The following TLR6 variants were observed in gnomAD, a reference collection of about 807,000 sequenced individuals.
TLR6 encodes the protein toll-like receptor 6.
TLR6 carries 9 observed loss-of-function variants against 16.1 expected under a neutral mutation model. The ratio of observed to expected loss-of-function variants is 0.56; its 90% confidence interval spans 0.34 to 0.98. The LOEUF (loss-of-function observed/expected upper bound fraction) is 0.98. Ranked by LOEUF, TLR6 falls within the 50% of genes least tolerant of loss-of-function variation. TLR6 has a pLI of 0.02. For missense variants in TLR6, 786 were observed against 921.0 expected (o/e 0.85, Z 1.90); for synonymous variants, 340 against 338.6 (o/e 1.00, Z -0.04).
the TLR6 span, among the ~76,000 whole-genome samples, chr4:38,863,868 C>T: frequency 4.9e-4 from 75 of 152,270 alleles, no homozygotes; most frequent in African/African-American, 1.8e-3. Context: ...GAATCATACT[C>T]AAAAGCCATA....
At chr4:38,833,244 G>C (rs1560265194) in intron 1 of TLR6, among the ~76,000 whole-genome samples, 1 of 152,182 alleles carries the variant, frequency 6.6e-6, no homozygotes, top group East Asian at 1.9e-4. Context: ...TCTCCTGGAG[G>C]CTCAAGGACC....
At chr4:38,861,710 C>G (rs1022459714), upstream of TLR6, among the ~76,000 whole-genome samples, 11 of 152,298 alleles carry the variant, frequency 7.2e-5, no homozygotes, top group African/African-American at 2.4e-4. Context: ...CTACCCTTCC[C>G]TAGCCCCTTC....
chr4:38,864,950 C>T, the TLR6 span, among the ~76,000 whole-genome samples: 2 of 152,184 alleles, frequency 1.3e-5, no homozygotes, highest in South Asian at 2.1e-4. Flanking sequence ...TCTGAGGCCG[C>T]ACTGAGCCGT....
At chr4:38,842,398 C>G (rs1712314205) in intron 1 of TLR6, among the ~76,000 whole-genome samples, 1 of 152,164 alleles carries the variant, frequency 6.6e-6, no homozygotes, top group South Asian at 2.1e-4. Flanking sequence ...ATTCATGGAG[C>G]CAGTGAGAAA....
chr4:38,823,880 C>T (rs892607805), exon 2 of TLR6: 2 of 152,354 alleles, frequency 1.3e-5, no homozygotes, highest in Non-Finnish European at 2.9e-5. Context: ...CTCACCCAGC[C>T]TCCGAAAGGC....
chr4:38,837,755 TTAAAC>T lies in TLR6; in HGVS notation c.-64-8223_-64-8219del, dbSNP rs1328832055. Among the ~76,000 whole-genome samples the T allele has an allele frequency of 2.0e-5, 3 of 152,054 alleles. No homozygotes were observed. The East Asian group carries it at 5.8e-4, about 29-fold the overall frequency. ...ATATGAATAGACAAATGGGACTACA[TTAAAC>T]TAAAAACTTCTACACAGCACAGGAA... On this transcript the variant is annotated intron_variant, in intron 1 of 1. Coordinates refer to ENST00000436693, the Ensembl canonical transcript of TLR6.
the TLR6 span, among the ~76,000 whole-genome samples, chr4:38,866,066 G>C: frequency 2.0e-5 from 3 of 148,216 alleles, no homozygotes; most frequent in Non-Finnish European, 4.5e-5. Flanking sequence ...TTGAACCCAG[G>C]AGATGGAGAT....
upstream of TLR6, among the ~76,000 whole-genome samples, chr4:38,859,565 C>CTTTTTTT (rs372944785): frequency 6.1e-4 from 74 of 122,094 alleles, 4 homozygotes; most frequent in Non-Finnish European, 8.2e-4. Context: ...GATTATTGGC[C>CTTTTTTT]TTTTTTTTTT....
exon 2 of TLR6, chr4:38,829,507 T>A: frequency 7.4e-7 from 1 of 1,342,702 alleles, no homozygotes; most frequent in South Asian, 1.3e-5. Context: ...GGGTTGTTCT[T>A]CTTCAGAGCA....
chr4:38,859,719 C>T (rs941873108), upstream of TLR6, among the ~76,000 whole-genome samples: 5 of 151,830 alleles, frequency 3.3e-5, no homozygotes, highest in African/African-American at 1.2e-4. Context: ...CATCCACCAC[C>T]ATGCATGGCT....
In TLR6 at chr4:38,827,472, C is replaced by A. The variant is rs529428240; in HGVS notation, c.2002G>T (p.Asp668Tyr). ...CTCTCATGAAGACAAATCTGTATAT[C>A]TTCTTTTTCTAGGTAAGGTACCAAT... Residue 668 changes from aspartate to tyrosine, a missense_variant, in exon 2 of 2, where the codon GAT becomes TAT. By Grantham distance (160) the Asp-to-Tyr change is radical (BLOSUM62 -3). Coordinates refer to ENST00000436693, the Ensembl canonical transcript of TLR6. 1.7e-5 allele frequency: 27 copies of A among 1,614,196 alleles called. No homozygotes were observed. In the East Asian group the frequency reaches 2.9e-4, roughly 17 times the overall value.
exon 2 of TLR6, chr4:38,824,315 C>T (rs1727446918): frequency 6.6e-6 from 1 of 152,210 alleles, no homozygotes; most frequent in Non-Finnish European, 1.5e-5. Context: ...GAGTAAGCAA[C>T]TAAGCAAACA....
At chr4:38,852,675 A>C (rs1243910705) in intron 1 of TLR6, among the ~76,000 whole-genome samples, 1 of 151,372 alleles carries the variant, frequency 6.6e-6, no homozygotes. Flanking sequence ...TCAAAACCAC[A>C]ATGAGATACC....
intron 1 of TLR6, among the ~76,000 whole-genome samples, chr4:38,852,888 C>A (rs187544184): frequency 2.6e-5 from 4 of 152,240 alleles, no homozygotes; most frequent in Admixed American, 2.6e-4. Context: ...TGGGTATATA[C>A]CCAAAGGATT....
At chr4:38,858,895 GAA>G (rs1240588962), upstream of TLR6, among the ~76,000 whole-genome samples, 1 of 143,630 alleles carries the variant, frequency 7.0e-6, no homozygotes, top group African/African-American at 2.6e-5. Context: ...AAGAGAGAAA[GAA>G]AGAAAGAAAA....
chr4:38,833,375 C>T (rs1711726816), intron 1 of TLR6, among the ~76,000 whole-genome samples: 1 of 152,228 alleles, frequency 6.6e-6, no homozygotes, highest in Non-Finnish European at 1.5e-5. Context: ...CCAGCAAAGC[C>T]TTGCCATAGT....
At chr4:38,858,936 G>A (rs189334307), upstream of TLR6, among the ~76,000 whole-genome samples, 1 of 152,124 alleles carries the variant, frequency 6.6e-6, no homozygotes, top group African/African-American at 2.4e-5. Flanking sequence ...GTGCAGAACT[G>A]TAAGAAGAGT....
upstream of TLR6, among the ~76,000 whole-genome samples, chr4:38,860,425 T>G (rs930289236): frequency 9.2e-5 from 14 of 151,400 alleles, no homozygotes; most frequent in Middle Eastern, 3.5e-3. Context: ...TGAGCTGAGA[T>G]CGTGCCACTG....
chr4:38,834,899 C>T (rs934697846), intron 1 of TLR6, among the ~76,000 whole-genome samples: 1 of 152,142 alleles, frequency 6.6e-6, no homozygotes, highest in Non-Finnish European at 1.5e-5. Flanking sequence ...GAGAGTAGAA[C>T]GTCTGGACGT....
Sources: gnomAD v4.1 joint callset for allele counts (sites outside exome capture counted in the v4.1 genomes callset) on GRCh38, gnomAD v4.1.1 for gene constraint, MANE v1.5 for transcripts, NCBI Gene and HGNC (gene_info 2026-07-23, HGNC 2026-07-21) for gene names.